The following ITGA11 variants were observed in gnomAD, a reference collection of about 807,000 sequenced individuals.
ITGA11 encodes integrin subunit alpha 11.
A neutral mutation model predicts 141.9 loss-of-function variants in ITGA11; 97 were observed. The observed-to-expected ratio is 0.68, with a 90% CI of 0.58 to 0.81. ITGA11 has a LOEUF of 0.81. ITGA11 is among the 30% of genes least tolerant of loss of function. The probability of loss-of-function intolerance (pLI) is 0.00; values close to 1 mark genes in which losing one functional copy is unlikely to be tolerated. For synonymous variants in ITGA11, 658 were observed against 624.6 expected, an observed-to-expected ratio of 1.05 and a Z score of -0.80; for missense variants, 1,387 against 1,559.2, an observed-to-expected ratio of 0.89 and a Z score of 1.86.
At chr15:68,421,917 G>A (rs779479705) in intron 1 of ITGA11, among the ~76,000 whole-genome samples, 5 of 152,168 alleles carry the variant, frequency 3.3e-5, no homozygotes, top group African/African-American at 4.8e-5. Context: ...CAAGCCTGCT[G>A]GTGCCTTTGC....
intron 2 of ITGA11, among the ~76,000 whole-genome samples, chr15:68,388,261 C>T (rs574605626): frequency 6.6e-6 from 1 of 152,330 alleles, no homozygotes; most frequent in East Asian, 1.9e-4. Flanking sequence ...GTTCCTTGAA[C>T]ATCTCAAGCA....
chr15:68,337,882 C>T (rs1213675410), intron 11 of ITGA11, among the ~76,000 whole-genome samples: 1 of 152,202 alleles, frequency 6.6e-6, no homozygotes, highest in Non-Finnish European at 1.5e-5. Flanking sequence ...CTGGTATTTC[C>T]CACATGTTCC....
chr15:68,399,605 C>T lies in ITGA11; in HGVS notation c.164+3313G>A, dbSNP rs373135419. ...GGATAAAGAAACTGTGGTTCATATA[C>T]ACCACGGAATACTACACAACCATGA... On this transcript the variant is annotated intron_variant, in intron 2 of 29. Coordinates refer to ENST00000315757, the MANE Select transcript of ITGA11 (RefSeq NM_001004439.2). Among the ~76,000 whole-genome samples, 11 of 152,230 alleles carry T rather than the reference C, an allele frequency of 7.2e-5. No homozygotes were observed. In the East Asian group the frequency reaches 1.2e-3, roughly 16 times the overall value.
In ITGA11 at chr15:68,303,094, G is replaced by T. The variant is rs1026754452; in HGVS notation, c.3532C>A (p.Pro1178Thr). 8.4e-6 allele frequency: 13 copies of T among 1,550,646 alleles called. No individual in the cohort carries two copies. The African/African-American group carries it at 1.6e-4, about 20-fold the overall frequency. ...ACTTTGGGGGTGGGGTCCAGACCAGGCTCCCTCCTGCGCCTGGCACTTCTA... is the reference window on the plus strand; with the variant it reads ...ACTTTGGGGGTGGGGTCCAGACCAGTCTCCCTCCTGCGCCTGGCACTTCTA... Reference protein sequence around the residue: ...FFRSARRRREPGLDPTPKVLE With the variant: ...FFRSARRRRETGLDPTPKVLE The change falls in exon 30 of 30, where the codon CCT (proline) becomes ACT (threonine). Residue 1178 changes from proline (P) to threonine (T), a missense_variant. Physicochemically the swap from Pro to Thr is conservative, Grantham distance 38 (BLOSUM62 -1). Transcript: ENST00000315757. The surrounding 1 kb of genome is among the most constrained non-coding windows in gnomAD (Gnocchi z 5.3).
At chr15:68,376,298 C>G (rs555163094) in intron 2 of ITGA11, among the ~76,000 whole-genome samples, 2 of 151,996 alleles carry the variant, frequency 1.3e-5, no homozygotes, top group South Asian at 4.2e-4. Flanking sequence ...ATTTAGGGCT[C>G]ATCTTCAAGG....
At chr15:68,420,715 C>G (rs1466565346) in intron 1 of ITGA11, among the ~76,000 whole-genome samples, 3 of 152,168 alleles carry the variant, frequency 2.0e-5, no homozygotes, top group Non-Finnish European at 2.9e-5. Context: ...AACTATTTAT[C>G]ACTTGTGTAC....
chr15:68,378,714 A>G (rs901442996), intron 2 of ITGA11, among the ~76,000 whole-genome samples: 6 of 152,218 alleles, frequency 3.9e-5, no homozygotes, highest in African/African-American at 7.2e-5. Flanking sequence ...GCCTCCACAC[A>G]TAAGTAGCTA....
intron 2 of ITGA11, among the ~76,000 whole-genome samples, chr15:68,372,821 C>T (rs572046082): frequency 6.6e-6 from 1 of 152,286 alleles, no homozygotes; most frequent in East Asian, 1.9e-4. Context: ...GGGGACTCAT[C>T]CTGAATTCTG....
intron 20 of ITGA11, among the ~76,000 whole-genome samples, chr15:68,317,614 G>GT (rs1893638710): frequency 1.4e-5 from 2 of 147,874 alleles, no homozygotes; most frequent in Non-Finnish European, 3.0e-5. Context: ...GGGGAGGATG[G>GT]CGGGGGCTCA....
chr15:68,415,131 G>A (rs540472439), intron 1 of ITGA11, among the ~76,000 whole-genome samples: 1 of 152,132 alleles, frequency 6.6e-6, no homozygotes, highest in Non-Finnish European at 1.5e-5. Context: ...TGCTAACTTG[G>A]CCTTATCCCC....
At chr15:68,430,582 G>A (rs1283967050) in intron 1 of ITGA11, among the ~76,000 whole-genome samples, 3 of 152,164 alleles carry the variant, frequency 2.0e-5, no homozygotes, top group Admixed American at 6.5e-5. Flanking sequence ...ACAGGAGTGC[G>A]TCTCTTTTCT....
intron 1 of ITGA11, among the ~76,000 whole-genome samples, chr15:68,415,767 C>G (rs1315994698): frequency 6.6e-6 from 1 of 152,220 alleles, no homozygotes; most frequent in East Asian, 1.9e-4. Flanking sequence ...TCATGAGGGG[C>G]TGGGAGCCAT....
At chr15:68,306,051 G>A (rs1007745367) in intron 28 of ITGA11, among the ~76,000 whole-genome samples, 3 of 151,274 alleles carry the variant, frequency 2.0e-5, no homozygotes, top group East Asian at 1.9e-4. Context: ...TTAGCCAGGC[G>A]TAGTGGCGGG....
At chr15:68,364,570 G>T in intron 4 of ITGA11, 137 bp downstream of exon 4, 1 of 728,030 alleles carries the variant, frequency 1.4e-6, no homozygotes, top group Non-Finnish European at 2.4e-6. Flanking sequence ...GAATGCACAG[G>T]GCCAGGCAGC....
chr15:68,370,701 C>T (rs933420712), intron 2 of ITGA11, among the ~76,000 whole-genome samples: 3 of 152,148 alleles, frequency 2.0e-5, no homozygotes, highest in East Asian at 1.9e-4. Flanking sequence ...CTTTCGATCC[C>T]GAGGGATGGA....
In ITGA11 at chr15:68,321,093, C is replaced by G. The variant is rs1436395094; in HGVS notation, c.2408+325G>C. Among the ~76,000 whole-genome samples the G allele has an allele frequency of 6.6e-6, 1 of 151,874 alleles. No individual in the cohort carries two copies. The highest frequency in any genetic ancestry group is 1.9e-4 in the East Asian group (1 of 5,184). On this transcript the variant is annotated intron_variant, in intron 19 of 29. Coordinates refer to ENST00000315757, the MANE Select transcript of ITGA11 (RefSeq NM_001004439.2). This position sits in a 1 kb window ranked among gnomAD's most constrained non-coding sequence, Gnocchi z 4.9. ...CCTCATCTGGGGGCTGAAGGACAAG[C>G]ACCCAGAACTCCAGAGACTCCTGTC...
At chr15:68,425,205 G>A (rs147741764) in intron 1 of ITGA11, among the ~76,000 whole-genome samples, 3 of 152,358 alleles carry the variant, frequency 2.0e-5, no homozygotes, top group African/African-American at 7.2e-5. Flanking sequence ...GGAGAGCCAT[G>A]TGAGCAGGGC....
At chr15:68,337,535 G>C (rs1207964880) in intron 11 of ITGA11, among the ~76,000 whole-genome samples, 11 of 152,118 alleles carry the variant, frequency 7.2e-5, no homozygotes, top group Non-Finnish European at 2.9e-5. Context: ...AGGAGGAGGA[G>C]AAAAGGCACT....
intron 2 of ITGA11, among the ~76,000 whole-genome samples, chr15:68,402,365 C>G (rs568891813): frequency 2.0e-5 from 3 of 152,218 alleles, no homozygotes; most frequent in African/African-American, 2.4e-5. Context: ...GACTTGGATA[C>G]TTGAAATGAG....
Sources: allele counts gnomAD v4.1 joint callset (sites outside exome capture counted in the v4.1 genomes callset), GRCh38; gene constraint gnomAD v4.1.1; non-coding constraint Gnocchi (gnomAD v3.1); transcripts MANE v1.5; gene names NCBI Gene and HGNC (gene_info 2026-07-23, HGNC 2026-07-21).